The following SNTG1 variants were observed in gnomAD, a reference collection of about 807,000 sequenced individuals.
SNTG1 encodes the protein syntrophin gamma 1.
A neutral mutation model predicts 74.7 loss-of-function variants in SNTG1; 39 were observed. The ratio of observed to expected loss-of-function variants is 0.52; its 90% confidence interval spans 0.40 to 0.68. The LOEUF (loss-of-function observed/expected upper bound fraction) is 0.68, where lower values mean the gene tolerates loss of function less well. Among genes scored for constraint, SNTG1 ranks in the 30% least tolerant of loss-of-function variants. The probability of loss-of-function intolerance (pLI) is 0.00; values close to 1 mark genes in which losing one functional copy is unlikely to be tolerated. For synonymous variants in SNTG1, 254 were observed against 217.1 expected (o/e 1.17, Z -1.49); for missense variants, 685 against 609.5 (o/e 1.12, Z -1.30).
intron 15 of SNTG1, among the ~76,000 whole-genome samples, chr8:50,695,436 C>G (rs1001569452): frequency 2.0e-5 from 3 of 151,692 alleles, no homozygotes; most frequent in African/African-American, 7.3e-5. Flanking sequence ...AATAATTATT[C>G]CTAAATGAAG....
At chr8:50,113,122 T>C (rs1017213998) in intron 1 of SNTG1, among the ~76,000 whole-genome samples, 9 of 152,164 alleles carry the variant, frequency 5.9e-5, no homozygotes, top group African/African-American at 2.2e-4. Flanking sequence ...GTAGTTTTTT[T>C]CCAATTCTGT....
intron 15 of SNTG1, among the ~76,000 whole-genome samples, chr8:50,671,995 G>A (rs2095285700): frequency 7.3e-6 from 1 of 136,556 alleles, no homozygotes; most frequent in South Asian, 2.3e-4. Flanking sequence ...ATTGAACAAT[G>A]AGAACACATG....
chr8:50,508,490 C>T (rs928072008), intron 9 of SNTG1, among the ~76,000 whole-genome samples: 1 of 152,114 alleles, frequency 6.6e-6, no homozygotes, highest in Non-Finnish European at 1.5e-5. Flanking sequence ...CCTGAGGAAT[C>T]GCCACACTGA....
intron 1 of SNTG1, among the ~76,000 whole-genome samples, chr8:50,127,464 A>G (rs1472009770): frequency 5.3e-5 from 8 of 152,082 alleles, no homozygotes; most frequent in Non-Finnish European, 1.5e-5. Flanking sequence ...TTTCATCAAA[A>G]TGGTTATTCT....
chr8:50,115,567 C>CAAAAAAAAAAAAAAAAAAAAAAAAA (rs11386539), intron 1 of SNTG1, among the ~76,000 whole-genome samples: 9 of 40,532 alleles, frequency 2.2e-4, no homozygotes, highest in Admixed American at 3.9e-4. Context: ...GACTCTGTCT[C>CAAAAAAAAAAAAAAAAAAAAAAAAA]AAAAAAAAAA....
chr8:50,347,398 A>G (rs923987000), intron 2 of SNTG1, among the ~76,000 whole-genome samples: 2 of 152,208 alleles, frequency 1.3e-5, no homozygotes, highest in Non-Finnish European at 2.9e-5. Context: ...ACAAAACAAA[A>G]CATTACTTTC....
At chr8:50,535,431 G>A (rs890918783) in intron 10 of SNTG1, among the ~76,000 whole-genome samples, 7 of 152,108 alleles carry the variant, frequency 4.6e-5, no homozygotes, top group Non-Finnish European at 1.0e-4. Flanking sequence ...CATCTGACAT[G>A]AGGCCAGGAG....
chr8:50,334,876 C>T (rs1393996794), intron 2 of SNTG1, among the ~76,000 whole-genome samples: 1 of 152,144 alleles, frequency 6.6e-6, no homozygotes, highest in South Asian at 2.1e-4. Flanking sequence ...ACTCAATGCA[C>T]CTCTTCTCCT....
intron 2 of SNTG1, among the ~76,000 whole-genome samples, chr8:50,215,248 T>C (rs774465471): frequency 1.2e-4 from 19 of 152,008 alleles, no homozygotes; most frequent in Non-Finnish European, 2.2e-4. Flanking sequence ...GAGATTTTGA[T>C]GTTTTTATTT....
intron 2 of SNTG1, among the ~76,000 whole-genome samples, chr8:50,294,932 GCA>G (rs1035610960): frequency 3.3e-5 from 5 of 152,038 alleles, no homozygotes; most frequent in African/African-American, 1.2e-4. Context: ...CGGACAACGA[GCA>G]CTAAAAAAAC....
At chr8:50,195,334 G>C (rs538301336) in intron 2 of SNTG1, among the ~76,000 whole-genome samples, 116 of 152,018 alleles carry the variant, frequency 7.6e-4, no homozygotes, top group African/African-American at 2.7e-3. Context: ...GAGAGGGCAT[G>C]ATGGGCTTGA....
intron 1 of SNTG1, among the ~76,000 whole-genome samples, chr8:50,153,327 T>C (rs1400568006): frequency 6.6e-6 from 1 of 152,202 alleles, no homozygotes; most frequent in African/African-American, 2.4e-5. Context: ...TCAAGGTTTT[T>C]AGCTTCTTTG....
intron 2 of SNTG1, among the ~76,000 whole-genome samples, chr8:50,271,988 G>A (rs1352787060): frequency 6.6e-6 from 1 of 152,080 alleles, no homozygotes; most frequent in African/African-American, 2.4e-5. Flanking sequence ...CCAGGTGAGA[G>A]TACAGCTAGA....
At chr8:50,478,917 TTAATC>T (rs898287313) in intron 8 of SNTG1, among the ~76,000 whole-genome samples, 22 of 152,206 alleles carry the variant, frequency 1.4e-4, no homozygotes, top group Non-Finnish European at 2.1e-4. Flanking sequence ...CTTATTTTAA[TTAATC>T]TAATACTTTT....
At chr8:50,726,827 C>T (rs10097209) in intron 17 of SNTG1, among the ~76,000 whole-genome samples, 87,773 of 151,824 alleles carry the variant, frequency 0.58, 27,733 homozygotes, top group Non-Finnish European at 0.69. Flanking sequence ...ACAGCCCAGG[C>T]GACAGAGTGA....
intron 2 of SNTG1, among the ~76,000 whole-genome samples, chr8:50,284,445 A>G (rs2088647797): frequency 6.6e-6 from 1 of 152,002 alleles, no homozygotes. Context: ...GTCTTATTTC[A>G]TTGTTCAAAT....
intron 2 of SNTG1, among the ~76,000 whole-genome samples, chr8:50,336,270 A>T (rs961576908): frequency 3.9e-5 from 6 of 152,184 alleles, no homozygotes; most frequent in Non-Finnish European, 7.4e-5. Flanking sequence ...AATTGAAAAG[A>T]TTTCTAAACA....
At chr8:50,315,754 A>T (rs553173589) in intron 2 of SNTG1, among the ~76,000 whole-genome samples, 1 of 138,174 alleles carries the variant, frequency 7.2e-6, no homozygotes, top group African/African-American at 3.0e-5. Context: ...AGAAAAACAT[A>T]CTAATACTAA....
chr8:50,491,517 A>G (rs2093853303), intron 8 of SNTG1: 2 of 152,260 alleles, frequency 1.3e-5, no homozygotes, highest in South Asian at 4.1e-4. Flanking sequence ...GGACAACAGC[A>G]ATGTCCTTCC....
Sources: gnomAD v4.1 joint callset for allele counts (sites outside exome capture counted in the v4.1 genomes callset) on GRCh38, gnomAD v4.1.1 for gene constraint, MANE v1.5 for transcripts, NCBI Gene and HGNC (gene_info 2026-07-23, HGNC 2026-07-21) for gene names.